Variants in PLEKHA6 observed in about 807,000 individuals in gnomAD.
PLEKHA6 encodes the protein pleckstrin homology domain-containing family A member 6.
PLEKHA6 carries 60 observed loss-of-function variants against 116.7 expected under a neutral mutation model. The observed-to-expected ratio is 0.51, with a 90% confidence interval of 0.42 to 0.64. PLEKHA6 has a LOEUF of 0.64. PLEKHA6 is among the 30% of genes least tolerant of loss of function. The pLI is 0.00. For synonymous variants in PLEKHA6, 489 were observed against 556.1 expected (o/e 0.88, Z 1.70); for missense variants, 1,338 against 1,422.7 (o/e 0.94, Z 0.96).
intron 1 of PLEKHA6, among the ~76,000 whole-genome samples, chr1:204,327,529 C>A (rs780217009): frequency 3.9e-5 from 6 of 152,274 alleles, no homozygotes; most frequent in African/African-American, 9.6e-5. Context: ...GCGCTGAGAG[C>A]CCCGTCGTTG....
chr1:204,275,070 A>G (rs1558120740), intron 1 of PLEKHA6: 1 of 312,806 alleles, frequency 3.2e-6, no homozygotes, highest in Non-Finnish European at 4.6e-6. Flanking sequence ...GAGGCTGGAA[A>G]TAAGCCACAC....
intron 1 of PLEKHA6, chr1:204,297,040 T>G (rs919256730): frequency 1.1e-6 from 1 of 881,882 alleles, no homozygotes; most frequent in African/African-American, 1.8e-5. Flanking sequence ...ACCGTACCCA[T>G]CCCTGCAGAT....
rs185196615 is a variant in PLEKHA6, at chr1:204,352,369, C to T, written c.-95+7325G>A. On this transcript the variant is annotated intron_variant, in intron 1 of 22. Coordinates refer to ENST00000272203, the MANE Select transcript of PLEKHA6 (RefSeq NM_014935.5). ...CAGCCTGGGCCACAGAGCGAGACTC[C>T]GTCTCAAAAAAAAAAAGAAAAGAAA... Among the ~76,000 whole-genome samples, 1,099 of 139,662 alleles carry T rather than the reference C, an allele frequency of 7.9e-3. 7 individuals are homozygous for T. The highest frequency in any genetic ancestry group is 0.031 in the African/African-American group (1,033 of 33,822). 91.6% of individuals were successfully genotyped at this position (139,662 alleles called of 152,430 possible).
At chr1:204,378,112 G>C (rs1202458283), upstream of PLEKHA6, 7 of 152,280 alleles carry the variant, frequency 4.6e-5, no homozygotes, top group Admixed American at 4.6e-4. Flanking sequence ...AAGCTGGAGC[G>C]GGGAGGATCC....
intron 3 of PLEKHA6, among the ~76,000 whole-genome samples, chr1:204,271,654 A>T (rs1246035943): frequency 6.6e-6 from 1 of 152,130 alleles, no homozygotes; most frequent in Non-Finnish European, 1.5e-5. Context: ...CTGACTCCTG[A>T]ATATCCTGGC....
chr1:204,250,653 G>A (rs1664429828), intron 9 of PLEKHA6, 39 bp from the exon 10 acceptor site: 4 of 1,404,886 alleles, frequency 2.8e-6, no homozygotes, highest in Non-Finnish European at 4.0e-6. Context: ...GCAGGGGCAG[G>A]ATGAGGGTAT....
intron 17 of PLEKHA6, among the ~76,000 whole-genome samples, chr1:204,240,492 G>A (rs991317276): frequency 2.0e-5 from 3 of 152,162 alleles, no homozygotes; most frequent in African/African-American, 7.2e-5. Flanking sequence ...ATACACTTGT[G>A]CTAAGGAAAT....
intron 1 of PLEKHA6, among the ~76,000 whole-genome samples, chr1:204,293,833 T>A (rs1670006995): frequency 6.6e-6 from 1 of 152,102 alleles, no homozygotes; most frequent in Non-Finnish European, 1.5e-5. Context: ...CCAGAGAGGA[T>A]CCTGTGCTCT....
chr1:204,276,548 C>T (rs968373413), intron 1 of PLEKHA6, among the ~76,000 whole-genome samples: 1 of 152,036 alleles, frequency 6.6e-6, no homozygotes, highest in African/African-American at 2.4e-5. Context: ...GTGCAGGGCA[C>T]CCGCCCCCTG....
chr1:204,302,103 G>A (rs1051315633), intron 1 of PLEKHA6, among the ~76,000 whole-genome samples: 3 of 152,132 alleles, frequency 2.0e-5, no homozygotes, highest in African/African-American at 2.4e-5. Context: ...TCTTAGAAAC[G>A]CCCTACTGTG....
At chr1:204,307,082 A>C (rs1052109615) in intron 1 of PLEKHA6, among the ~76,000 whole-genome samples, 4 of 152,264 alleles carry the variant, frequency 2.6e-5, no homozygotes, top group African/African-American at 9.6e-5. Context: ...AGAAGGGATA[A>C]ATGAAAAGAA....
At chr1:204,362,671 C>G (rs2103396348), upstream of PLEKHA6, among the ~76,000 whole-genome samples, 1 of 152,322 alleles carries the variant, frequency 6.6e-6, no homozygotes, top group African/African-American at 2.4e-5. Context: ...CTCAGCCTCC[C>G]AAGTAGCTGG....
intron 1 of PLEKHA6, among the ~76,000 whole-genome samples, chr1:204,308,457 T>C (rs983717691): frequency 6.6e-6 from 1 of 151,942 alleles, no homozygotes; most frequent in Non-Finnish European, 1.5e-5. Flanking sequence ...CATGCTTTAA[T>C]ACAACTAGAT....
intron 1 of PLEKHA6, among the ~76,000 whole-genome samples, chr1:204,345,871 T>C (rs750884142): frequency 6.6e-6 from 1 of 151,444 alleles, no homozygotes; most frequent in Non-Finnish European, 1.5e-5. Flanking sequence ...CTCACCCAAC[T>C]TCCCAGTCGC....
intron 1 of PLEKHA6, among the ~76,000 whole-genome samples, chr1:204,374,268 G>A (rs1040008202): frequency 6.6e-5 from 10 of 152,166 alleles, no homozygotes; most frequent in African/African-American, 2.4e-4. Context: ...TGCAAATCCA[G>A]TCTCCCAGCT....
intron 1 of PLEKHA6, among the ~76,000 whole-genome samples, chr1:204,327,520 C>T (rs539075298): frequency 2.0e-5 from 3 of 152,264 alleles, no homozygotes; most frequent in South Asian, 2.1e-4. Context: ...CCCAGGAGAG[C>T]GCTGAGAGCC....
chr1:204,234,480 G>A (rs1661659802), intron 17 of PLEKHA6, among the ~76,000 whole-genome samples: 1 of 152,180 alleles, frequency 6.6e-6, no homozygotes, highest in Non-Finnish European at 1.5e-5. Context: ...ATTTGACTCT[G>A]AACACTGACT....
intron 5 of PLEKHA6, among the ~76,000 whole-genome samples, chr1:204,267,172 C>G (rs1164148280): frequency 6.6e-6 from 1 of 152,186 alleles, no homozygotes; most frequent in Non-Finnish European, 1.5e-5. Context: ...TGCTCATCCT[C>G]TCTCCCCATT....
chr1:204,341,021 T>G (rs1672826622), intron 1 of PLEKHA6, among the ~76,000 whole-genome samples: 1 of 152,158 alleles, frequency 6.6e-6, no homozygotes, highest in Admixed American at 6.5e-5. Flanking sequence ...ACTGGGGTGC[T>G]TTATAGTCCT....
Sources: allele counts gnomAD v4.1 joint callset (sites outside exome capture counted in the v4.1 genomes callset), GRCh38; gene constraint gnomAD v4.1.1; transcripts MANE v1.5; gene names NCBI Gene and HGNC (gene_info 2026-07-23, HGNC 2026-07-21).